Variants in ZNF385B observed in about 807,000 individuals in gnomAD.
ZNF385B encodes the protein zinc finger protein 385B.
ZNF385B carries 23 observed loss-of-function variants against 39.2 expected under a neutral mutation model. That is an observed-to-expected ratio of 0.59 (90% CI 0.42 to 0.83). The LOEUF is 0.83. ZNF385B is among the 40% of genes least tolerant of loss of function. The pLI is 0.00. For missense variants in ZNF385B, 552 were observed against 598.9 expected (o/e 0.92, Z 0.82); for synonymous variants, 205 against 222.6 (o/e 0.92, Z 0.70).
At chr2:179,452,346 C>T (rs1228947670) in intron 6 of ZNF385B, among the ~76,000 whole-genome samples, 1 of 151,988 alleles carries the variant, frequency 6.6e-6, no homozygotes, top group Non-Finnish European at 1.5e-5. Context: ...TCAAATTAAT[C>T]CACCTTATTC....
At chr2:179,483,528 A>G in intron 5 of ZNF385B, 94 bp from the exon 6 acceptor site, 1 of 1,517,472 alleles carries the variant, frequency 6.6e-7, no homozygotes, top group Non-Finnish European at 9.0e-7. Flanking sequence ...TATCATAGGC[A>G]CCACAGACAT....
chr2:179,486,234 A>C (rs565331894), intron 5 of ZNF385B, among the ~76,000 whole-genome samples: 1 of 152,198 alleles, frequency 6.6e-6, no homozygotes. Context: ...AATGCATTAC[A>C]TATTTTAGAT....
At chr2:179,627,311 T>C (rs950387125) in intron 3 of ZNF385B, among the ~76,000 whole-genome samples, 2 of 152,194 alleles carry the variant, frequency 1.3e-5, no homozygotes, top group Non-Finnish European at 2.9e-5. Flanking sequence ...TCCCTTCTAT[T>C]TTAACCTGAA....
At chr2:179,705,174 G>T (rs771489339) in intron 3 of ZNF385B, among the ~76,000 whole-genome samples, 35 of 152,156 alleles carry the variant, frequency 2.3e-4, no homozygotes, top group Admixed American at 3.3e-4. Context: ...CCCAAAGGAA[G>T]CCTAGATCTC....
chr2:179,657,410 C>T (rs1304163755), intron 3 of ZNF385B, among the ~76,000 whole-genome samples: 1 of 152,186 alleles, frequency 6.6e-6, no homozygotes, highest in East Asian at 1.9e-4. Flanking sequence ...TGCTCAAAAC[C>T]GTGGCTCATT....
At chr2:179,720,424 A>G in intron 3 of ZNF385B, among the ~76,000 whole-genome samples, 3 of 128,936 alleles carry the variant, frequency 2.3e-5, no homozygotes, top group East Asian at 2.6e-4. Flanking sequence ...AGGGGAGGGG[A>G]AAGGAAAGGA....
rs1263902453 is a variant in ZNF385B at position 179,443,345 on chromosome 2, G to A, written c.1366C>T (p.Leu456Phe). 6.2e-7 allele frequency: 1 copy of A among 1,612,880 alleles called. No individual in the cohort carries two copies. Among genetic ancestry groups the A allele is most frequent in the South Asian group, 1.1e-5 (1 of 90,996 alleles). The change falls in exon 10 of 10, where the codon CTC (leucine) becomes TTC (phenylalanine). Residue 456 changes from leucine to phenylalanine, a missense_variant. Leu to Phe is a conservative substitution (Grantham distance 22, BLOSUM62 0). Transcript: ENST00000410066. ...GGAGGAATGGCTGGAGCCTGGAAGA[G>A]CGAGGCAGAGGGCCGGGGTGGGAGT... ...LSLPPRPSAS[L>F]FQAPAIPPAL...
At chr2:179,554,040 G>A (rs1248345427) in intron 3 of ZNF385B, among the ~76,000 whole-genome samples, 1 of 148,742 alleles carries the variant, frequency 6.7e-6, no homozygotes, top group Non-Finnish European at 1.5e-5. Context: ...CTATAATTAA[G>A]AAAAATAAGA....
At chr2:179,655,303 C>G (rs746985927) in intron 3 of ZNF385B, among the ~76,000 whole-genome samples, 1 of 151,990 alleles carries the variant, frequency 6.6e-6, no homozygotes, top group South Asian at 2.1e-4. Context: ...AAAGTGAAAA[C>G]ATTGTGGAGG....
intron 5 of ZNF385B, among the ~76,000 whole-genome samples, chr2:179,483,682 G>A (rs1031904553): frequency 1.3e-5 from 2 of 152,304 alleles, no homozygotes; most frequent in East Asian, 3.9e-4. Flanking sequence ...GTGGACAAAA[G>A]GATTAGGGCA....
chr2:179,588,542 C>A (rs1212664981), intron 3 of ZNF385B, among the ~76,000 whole-genome samples: 2 of 152,062 alleles, frequency 1.3e-5, no homozygotes, highest in East Asian at 3.9e-4. Context: ...TGAGTTCTGT[C>A]ACACTTACCC....
intron 3 of ZNF385B, among the ~76,000 whole-genome samples, chr2:179,710,077 A>G (rs1003539049): frequency 6.6e-6 from 1 of 152,140 alleles, no homozygotes; most frequent in Non-Finnish European, 1.5e-5. Flanking sequence ...GGCTGATTGA[A>G]TGGATGAACG....
At chr2:179,464,691 T>C (rs1302437820) in intron 6 of ZNF385B, among the ~76,000 whole-genome samples, 3 of 152,186 alleles carry the variant, frequency 2.0e-5, no homozygotes, top group African/African-American at 7.2e-5. Context: ...GCCTCTGTTC[T>C]GTTCCATTAG....
At chr2:179,727,383 T>A (rs1269863467) in intron 3 of ZNF385B, among the ~76,000 whole-genome samples, 3 of 152,172 alleles carry the variant, frequency 2.0e-5, no homozygotes, top group East Asian at 3.9e-4. Context: ...ATCTAAGCAA[T>A]CTTAGGATCT....
intron 3 of ZNF385B, among the ~76,000 whole-genome samples, chr2:179,765,375 C>T (rs1487735393): frequency 6.6e-6 from 1 of 152,102 alleles, no homozygotes; most frequent in Non-Finnish European, 1.5e-5. Flanking sequence ...GTGACTTTCC[C>T]CAGAGCTGCA....
chr2:179,511,995 A>G (rs539620115), intron 5 of ZNF385B, among the ~76,000 whole-genome samples: 31 of 152,304 alleles, frequency 2.0e-4, no homozygotes, highest in African/African-American at 7.0e-4. Context: ...AATTTGAAAA[A>G]TCAAATGGGC....
intron 5 of ZNF385B, among the ~76,000 whole-genome samples, chr2:179,496,835 G>A (rs898888604): frequency 3.3e-5 from 5 of 152,176 alleles, no homozygotes; most frequent in African/African-American, 1.2e-4. Flanking sequence ...GATCACTTGA[G>A]GCCAGGTGTT....
rs548781523 is a variant in ZNF385B, at chr2:179,549,281, G to A, written c.299-4312C>T. ...AAACAATGCTACTTTGAATATTCAT[G>A]TACAAGTTCTTATGTGGATATATGT... On this transcript the variant is annotated intron_variant, in intron 3 of 9. Transcript: ENST00000410066. 6.0e-5 allele frequency among the ~76,000 whole-genome samples: 9 copies of A among 149,622 alleles called. No homozygotes were observed. The South Asian group carries it at 1.9e-3, about 32-fold the overall frequency.
intron 1 of ZNF385B, among the ~76,000 whole-genome samples, chr2:179,844,650 A>T (rs1222568808): frequency 2.0e-5 from 3 of 152,090 alleles, no homozygotes; most frequent in Non-Finnish European, 2.9e-5. Context: ...TTATCTGAAT[A>T]AAAAAAATTA....
Sources: allele counts gnomAD v4.1 joint callset (sites outside exome capture counted in the v4.1 genomes callset), GRCh38; gene constraint gnomAD v4.1.1; transcripts MANE v1.5; gene names NCBI Gene and HGNC (gene_info 2026-07-23, HGNC 2026-07-21).